Variants in ADAMTS9 observed in about 807,000 individuals in gnomAD.
The protein encoded by ADAMTS9 is A disintegrin and metalloproteinase with thrombospondin motifs 9.
ADAMTS9 carries 107 observed loss-of-function variants against 257.1 expected under a neutral mutation model. The observed-to-expected ratio is 0.42, with a 90% CI of 0.36 to 0.49. The LOEUF (loss-of-function observed/expected upper bound fraction) is 0.49. Ranked by LOEUF, ADAMTS9 falls within the 20% of genes least tolerant of loss-of-function variation. The probability of loss-of-function intolerance (pLI) is 0.03; values close to 1 mark genes in which losing one functional copy is unlikely to be tolerated. For synonymous variants in ADAMTS9, 982 were observed against 880.9 expected, an observed-to-expected ratio of 1.11 and a Z score of -2.03; for missense variants, 2,353 against 2,469.1, an observed-to-expected ratio of 0.95 and a Z score of 1.00.
Position 64,612,371 on chromosome 3 carries a change from C to A in ADAMTS9, c.3354+974G>T, listed in dbSNP as rs1327857928. 2.6e-5 allele frequency among the ~76,000 whole-genome samples: 4 copies of A among 152,126 alleles called. No homozygotes were observed. The East Asian group carries it at 7.7e-4, about 29-fold the overall frequency. On this transcript the variant is annotated intron_variant, in intron 22 of 39. Transcript: ENST00000498707. ...TCCCTAAAAGTTATGCAGATACAGA[C>A]AAAAAGAAGATGAGATTAGAAGTAT...
chr3:64,654,599 T>G lies in ADAMTS9; in HGVS notation c.1183A>C (p.Arg395=). The part of the protein sequence containing the change: ...AVLLTRQDIC[R]AHDKCDTLGL... ...AAGGTATCACATTTGTCGTGAGCTC[T>G]GCAGATATCCTGTCTGAAAGCAAAG... Residue 395 remains arginine, a synonymous_variant, in exon 7 of 40, where the codon AGA becomes CGA. Transcript: ENST00000498707. 1.2e-6 allele frequency: 2 copies of G among 1,614,202 alleles called. No individual in the cohort carries two copies. Among genetic ancestry groups the G allele is most frequent in the Non-Finnish European group, 1.7e-6 (2 of 1,180,024 alleles).
At position 64,602,227 on chromosome 3, in the gene ADAMTS9, T is replaced by A. The variant is rs369248659; in HGVS notation, c.3748-14A>T. The A allele has an allele frequency of 6.8e-6, 11 of 1,611,866 alleles. No homozygotes were observed. The highest frequency in any genetic ancestry group is 9.3e-6 in the Non-Finnish European group (11 of 1,178,872). On this transcript the variant is annotated splice_polypyrimidine_tract_variant and intron_variant, in intron 25 of 39. Coordinates refer to ENST00000498707, the MANE Select transcript of ADAMTS9 (RefSeq NM_182920.2). The stretch of plus-strand genomic sequence containing the variant: ...GGTCACAGAGCACTAGGTTGAATGT[T>A]CAGAAAGAGAAAGGGTCAGTCATTT...
chr3:64,607,123 T>C (rs1336890110), intron 22 of ADAMTS9, 44 bp from the exon 23 acceptor site: 1 of 1,603,536 alleles, frequency 6.2e-7, no homozygotes, highest in Non-Finnish European at 8.5e-7. Context: ...CAGCAAATCT[T>C]CTCTTTCCCT....
intron 22 of ADAMTS9, among the ~76,000 whole-genome samples, chr3:64,612,875 T>C (rs1006086540): frequency 6.6e-6 from 1 of 152,178 alleles, no homozygotes; most frequent in Non-Finnish European, 1.5e-5. Context: ...ACCTTTGATC[T>C]AATTAATTAT....
At chr3:64,535,669 T>G (rs2083040897) in intron 37 of ADAMTS9, among the ~76,000 whole-genome samples, 1 of 149,292 alleles carries the variant, frequency 6.7e-6, no homozygotes, top group Admixed American at 6.7e-5. Flanking sequence ...TTCTCCTACC[T>G]CAGCCTTCTG....
At chr3:64,569,610 TAACTC>T (rs1354736202) in intron 28 of ADAMTS9, among the ~76,000 whole-genome samples, 2 of 150,198 alleles carry the variant, frequency 1.3e-5, no homozygotes, top group African/African-American at 5.0e-5. Flanking sequence ...TGAAACATAT[TAACTC>T]AACCACTATT....
At chr3:64,535,082 A>T (rs1015046557) in intron 37 of ADAMTS9, among the ~76,000 whole-genome samples, 1 of 152,144 alleles carries the variant, frequency 6.6e-6, no homozygotes, top group African/African-American at 2.4e-5. Flanking sequence ...GGTAATATTT[A>T]AAAAATATTT....
At chr3:64,581,065 T>C (rs2083986350) in intron 28 of ADAMTS9, among the ~76,000 whole-genome samples, 1 of 152,198 alleles carries the variant, frequency 6.6e-6, no homozygotes, top group Admixed American at 6.5e-5. Flanking sequence ...AAGACCTATT[T>C]TGCAAGGATT....
chr3:64,650,390 T>C (rs1700902793), intron 9 of ADAMTS9: 1 of 152,598 alleles, frequency 6.6e-6, no homozygotes, highest in Non-Finnish European at 1.5e-5. Context: ...TTCATACTTC[T>C]GAGCGAGAAG....
chr3:64,549,907 ACAT>A (rs2083248023), intron 31 of ADAMTS9, among the ~76,000 whole-genome samples: 3 of 152,206 alleles, frequency 2.0e-5, no homozygotes, highest in African/African-American at 7.2e-5. Flanking sequence ...CCCAACACAC[ACAT>A]CATCTAAATG....
chr3:64,527,849 G>C (rs1280467878), intron 38 of ADAMTS9, among the ~76,000 whole-genome samples: 1 of 152,124 alleles, frequency 6.6e-6, no homozygotes, highest in Non-Finnish European at 1.5e-5. Flanking sequence ...CTGACAGCAA[G>C]TTCGGAGGCA....
chr3:64,624,025 C>T (rs1700169020), intron 16 of ADAMTS9, among the ~76,000 whole-genome samples: 1 of 151,062 alleles, frequency 6.6e-6, no homozygotes, highest in Admixed American at 6.6e-5. Context: ...ATAGTCAAAC[C>T]CATAGAAGCA....
chr3:64,659,687 A>G (rs1027727647), intron 3 of ADAMTS9, among the ~76,000 whole-genome samples: 3 of 152,146 alleles, frequency 2.0e-5, no homozygotes, highest in African/African-American at 7.2e-5. Flanking sequence ...ATTTTTAATT[A>G]ACTTACTCCA....
chr3:64,646,954 G>T (rs1193172960), intron 11 of ADAMTS9, among the ~76,000 whole-genome samples: 2 of 152,144 alleles, frequency 1.3e-5, no homozygotes, highest in African/African-American at 4.8e-5. Flanking sequence ...AGGGAACAGG[G>T]AATTAAGTTC....
chr3:64,603,107 A>T (rs998499513), intron 25 of ADAMTS9, among the ~76,000 whole-genome samples: 2 of 152,212 alleles, frequency 1.3e-5, no homozygotes, highest in African/African-American at 4.8e-5. Flanking sequence ...CATAATCTCA[A>T]ATAATCCTCA....
chr3:64,633,633 T>C (rs376540763), intron 13 of ADAMTS9, 25 bp from the exon 14 acceptor site: 7 of 1,613,800 alleles, frequency 4.3e-6, no homozygotes, highest in Admixed American at 3.3e-5. Context: ...CAATACAACT[T>C]GACTTTTGTG....
chr3:64,602,006 C>T lies in ADAMTS9; in HGVS notation c.3955G>A (p.Ala1319Thr), dbSNP rs778701337. The T allele has an allele frequency of 1.2e-5, 20 of 1,613,690 alleles. No individual in the cohort carries two copies. Among genetic ancestry groups the T allele is most frequent in the East Asian group, 4.5e-5 (2 of 44,862 alleles). The stretch of plus-strand genomic sequence containing the variant: ...AGCACATGGGTGCGGCTGGGGCTGG[C>T]GCTCCGGGGACGATAGTCCTCATTT... ...FQNEDYRPRS[A>T]SPSRTHVLGG... Residue 1319 changes from alanine (A) to threonine (T), a missense_variant, in exon 26 of 40, where the codon GCC (alanine) becomes ACC (threonine). Ala to Thr is a moderately conservative substitution (Grantham distance 58). Transcript: ENST00000498707.
intron 12 of ADAMTS9, 142 bp downstream of exon 12, chr3:64,641,706 C>T (rs142004432): frequency 7.0e-6 from 7 of 1,004,924 alleles, no homozygotes; most frequent in East Asian, 4.9e-5. Context: ...CTTTGGGTAC[C>T]GTGGGTCTAA....
intron 32 of ADAMTS9, among the ~76,000 whole-genome samples, chr3:64,545,413 G>A (rs895015716): frequency 5.3e-5 from 8 of 152,176 alleles, no homozygotes; most frequent in Non-Finnish European, 1.2e-4. Context: ...ATACACCATG[G>A]AGTACTATGC....
Sources: gnomAD v4.1 joint callset for allele counts (sites outside exome capture counted in the v4.1 genomes callset) on GRCh38, gnomAD v4.1.1 for gene constraint, MANE v1.5 for transcripts, NCBI Gene and HGNC (gene_info 2026-07-23, HGNC 2026-07-21) for gene names.